Variants in CMPK1 observed in about 807,000 individuals in gnomAD.
CMPK1 encodes cytidine/uridine monophosphate kinase 1, also known as UMP-CMP kinase.
Under a neutral mutation model 25.7 loss-of-function variants are expected in CMPK1, and 10 were observed. That is an observed-to-expected ratio of 0.39 (90% CI 0.24 to 0.66). The LOEUF is 0.66. Ranked by LOEUF, CMPK1 falls within the 30% of genes least tolerant of loss-of-function variation. The pLI is 0.48. For synonymous variants in CMPK1, 106 were observed against 101.5 expected (o/e 1.04, Z -0.27); for missense variants, 199 against 280.5 (o/e 0.71, Z 2.08).
intron 1 of CMPK1, among the ~76,000 whole-genome samples, chr1:47,335,703 A>G (rs1201883874): frequency 6.6e-6 from 1 of 150,806 alleles, no homozygotes; most frequent in Non-Finnish European, 1.5e-5. Context: ...AAAAAAATAC[A>G]TAACATTTAC....
chr1:47,343,247 A>G (rs911683595), intron 1 of CMPK1, among the ~76,000 whole-genome samples: 14 of 151,174 alleles, frequency 9.3e-5, no homozygotes, highest in Non-Finnish European at 1.5e-5. Context: ...TTGGCCTCCC[A>G]AAGTGCTGGG....
intron 1 of CMPK1, among the ~76,000 whole-genome samples, chr1:47,348,141 T>C (rs994139007): frequency 6.6e-6 from 1 of 152,174 alleles, no homozygotes; most frequent in Non-Finnish European, 1.5e-5. Context: ...GCTTTCTGAA[T>C]TGAAATCCAG....
At chr1:47,345,492 A>ATG (rs761192894) in intron 1 of CMPK1, among the ~76,000 whole-genome samples, 2 of 130,742 alleles carry the variant, frequency 1.5e-5, no homozygotes, top group African/African-American at 2.9e-5. Flanking sequence ...TAGCAATTTA[A>ATG]TTTCTTTTTT....
At chr1:47,365,698 G>T (rs1336872755) in intron 1 of CMPK1, among the ~76,000 whole-genome samples, 1 of 148,610 alleles carries the variant, frequency 6.7e-6, no homozygotes, top group African/African-American at 2.5e-5. Flanking sequence ...CCATAAAGTT[G>T]TCAACATTTG....
intron 2 of CMPK1, among the ~76,000 whole-genome samples, chr1:47,370,024 C>T (rs1366595771): frequency 8.3e-6 from 1 of 120,068 alleles, no homozygotes; most frequent in Non-Finnish European, 2.0e-5. Flanking sequence ...ACGCCATTCT[C>T]CTGTCTCAGC....
chr1:47,374,091 TCTCA>T (rs1030253692), intron 3 of CMPK1, among the ~76,000 whole-genome samples: 6 of 152,132 alleles, frequency 3.9e-5, no homozygotes, highest in African/African-American at 1.4e-4. Flanking sequence ...TGAGACAGAG[TCTCA>T]CTCTGTTGCC....
At chr1:47,352,923 T>A (rs1646533039) in intron 1 of CMPK1, among the ~76,000 whole-genome samples, 1 of 145,372 alleles carries the variant, frequency 6.9e-6, no homozygotes, top group South Asian at 2.3e-4. Flanking sequence ...AATATACTTA[T>A]GAAGGTAAAT....
intron 5 of CMPK1, among the ~76,000 whole-genome samples, chr1:47,376,252 G>A (rs1171400909): frequency 3.3e-5 from 5 of 151,694 alleles, no homozygotes; most frequent in Admixed American, 6.6e-5. Context: ...GAAAATTAAT[G>A]TAAATTTGAT....
intron 1 of CMPK1, among the ~76,000 whole-genome samples, chr1:47,357,736 C>T (rs1046839057): frequency 1.3e-5 from 2 of 151,992 alleles, no homozygotes; most frequent in African/African-American, 2.4e-5. Flanking sequence ...CCACCTGCCT[C>T]AGCCTCCCAA....
At chr1:47,334,165 G>T in intron 1 of CMPK1, 49 bp downstream of exon 1, 1 of 1,382,166 alleles carries the variant, frequency 7.2e-7, no homozygotes, top group Non-Finnish European at 9.5e-7. Context: ...CGGGATGCGG[G>T]CCGGCCTGTC....
chr1:47,357,554 AG>A lies in CMPK1; in HGVS notation c.172-10914del, dbSNP rs1646570802. On this transcript the variant is annotated intron_variant, in intron 1 of 5. Transcript: ENST00000371873. ...GGCTGAAGTGCGGTGGTGTGATCTC[AG>A]CTCACTGCAACCTCTGCCTCCCGGG... 4.7e-5 allele frequency among the ~76,000 whole-genome samples: 7 copies of A among 147,474 alleles called. No homozygotes were observed. In the Admixed American group the frequency reaches 4.8e-4, roughly 10 times the overall value.
chr1:47,337,859 C>T (rs1052732900), intron 1 of CMPK1, among the ~76,000 whole-genome samples: 2 of 152,148 alleles, frequency 1.3e-5, no homozygotes, highest in Non-Finnish European at 2.9e-5. Flanking sequence ...GATCCACCCA[C>T]CTTGGCCTCC....
chr1:47,370,601 A>C (rs1646671568), intron 2 of CMPK1, among the ~76,000 whole-genome samples: 2 of 146,362 alleles, frequency 1.4e-5, no homozygotes, highest in Non-Finnish European at 3.0e-5. Context: ...AGATCATGCT[A>C]CTGCACTCCA....
At chr1:47,362,470 G>A (rs891185899) in intron 1 of CMPK1, among the ~76,000 whole-genome samples, 7 of 151,386 alleles carry the variant, frequency 4.6e-5, no homozygotes, top group African/African-American at 1.7e-4. Context: ...GCCCAGCCTG[G>A]AGATGGAGTT....
chr1:47,365,829 G>A (rs1391096603), intron 1 of CMPK1, among the ~76,000 whole-genome samples: 1 of 152,034 alleles, frequency 6.6e-6, no homozygotes. Flanking sequence ...ACTTCTTAAA[G>A]GAAAAATTTC....
intron 1 of CMPK1, among the ~76,000 whole-genome samples, chr1:47,353,344 T>C (rs1441914132): frequency 6.6e-6 from 1 of 152,232 alleles, no homozygotes; most frequent in Non-Finnish European, 1.5e-5. Flanking sequence ...ACTGGACTGT[T>C]TTCTGTCCCC....
chr1:47,367,261 T>G (rs957996159), intron 1 of CMPK1, among the ~76,000 whole-genome samples: 1 of 152,242 alleles, frequency 6.6e-6, no homozygotes, highest in African/African-American at 2.4e-5. Flanking sequence ...TTATACTCAA[T>G]TATAGTCAGC....
intron 1 of CMPK1, among the ~76,000 whole-genome samples, chr1:47,364,289 T>G (rs561281706): frequency 6.6e-6 from 1 of 152,100 alleles, no homozygotes; most frequent in Admixed American, 6.6e-5. Context: ...ATATATATAT[T>G]TTTTGTTTGT....
At chr1:47,349,552 C>T (rs147358148) in intron 1 of CMPK1, among the ~76,000 whole-genome samples, 52 of 152,272 alleles carry the variant, frequency 3.4e-4, no homozygotes, top group Admixed American at 1.1e-3. Context: ...TATTCTGTAG[C>T]GTACGAGTTG....
Sources: gnomAD v4.1 joint callset for allele counts (sites outside exome capture counted in the v4.1 genomes callset) on GRCh38, gnomAD v4.1.1 for gene constraint, MANE v1.5 for transcripts, NCBI Gene and HGNC (gene_info 2026-07-23, HGNC 2026-07-21) for gene names.